KCNG3: variants seen among roughly 807,000 people sequenced by gnomAD.
KCNG3 encodes voltage-gated potassium channel regulatory subunit KCNG3.
In KCNG3, 15 loss-of-function variants were observed where a neutral mutation model predicts 29.0. The ratio of observed to expected loss-of-function variants is 0.52; its 90% CI spans 0.35 to 0.80. The LOEUF is 0.80. Ranked by LOEUF, KCNG3 falls within the 30% of genes least tolerant of loss-of-function variation. KCNG3 has a pLI of 0.01. For missense variants in KCNG3, 512 were observed against 605.7 expected (o/e 0.85, Z 1.62); for synonymous variants, 322 against 248.9 (o/e 1.29, Z -2.76).
intron 1 of KCNG3, among the ~76,000 whole-genome samples, chr2:42,457,627 T>TCACACACACACACA (rs56251665): frequency 0.047 from 5,949 of 125,436 alleles, 263 homozygotes; most frequent in Middle Eastern, 0.07. Context: ...CAGGCAGATC[T>TCACACACACACACA]CACACACACA....
the KCNG3 span, among the ~76,000 whole-genome samples, chr2:42,430,859 C>T: frequency 2.0e-5 from 3 of 151,978 alleles, no homozygotes; most frequent in Admixed American, 6.6e-5. Flanking sequence ...CATGTAATCC[C>T]AGAACTTTGG....
At chr2:42,484,648 G>T (rs750426003) in intron 1 of KCNG3, among the ~76,000 whole-genome samples, 1 of 152,158 alleles carries the variant, frequency 6.6e-6, no homozygotes, top group African/African-American at 2.4e-5. Flanking sequence ...AAGAGATAGG[G>T]CAAGTTAACT....
chr2:42,469,927 C>T (rs1033846809), intron 1 of KCNG3: 1 of 318,496 alleles, frequency 3.1e-6, no homozygotes, highest in South Asian at 5.0e-5. Context: ...AGGAGATTTA[C>T]AAACTGGCCA....
At chr2:42,478,765 T>G (rs1673505537) in intron 1 of KCNG3, among the ~76,000 whole-genome samples, 1 of 152,160 alleles carries the variant, frequency 6.6e-6, no homozygotes, top group East Asian at 1.9e-4. Flanking sequence ...GGTCCCGTCT[T>G]GGTTATGCCT....
At chr2:42,475,323 CT>C (rs11365655) in intron 1 of KCNG3, among the ~76,000 whole-genome samples, 74,832 of 104,686 alleles carry the variant, frequency 0.71, 26,609 homozygotes, top group Middle Eastern at 0.86. Flanking sequence ...GCCTCTGTCT[CT>C]TTTTTTTTTT....
At chr2:42,482,591 T>C (rs1281582975) in intron 1 of KCNG3, among the ~76,000 whole-genome samples, 2 of 152,114 alleles carry the variant, frequency 1.3e-5, no homozygotes, top group Non-Finnish European at 2.9e-5. Context: ...GGCCTGGGCA[T>C]GGTGGCACAC....
At chr2:42,481,303 C>T (rs1249938994) in intron 1 of KCNG3, among the ~76,000 whole-genome samples, 1 of 152,182 alleles carries the variant, frequency 6.6e-6, no homozygotes, top group African/African-American at 2.4e-5. Context: ...CCTGACACCA[C>T]AGCCTGGATC....
intron 1 of KCNG3, among the ~76,000 whole-genome samples, chr2:42,466,286 A>T (rs1673139300): frequency 6.6e-6 from 1 of 152,076 alleles, no homozygotes; most frequent in African/African-American, 2.4e-5. Flanking sequence ...CCTGCCTGTA[A>T]TCCTAGCTAC....
rs76065686 is a variant in KCNG3, at chr2:42,460,634, C to G, written c.666-16055G>C. ...CGATTTAATTTGGCAAAAACAAAAT[C>G]AGGAAAGTGCCAGATACCTGATGAA... On this transcript the variant is annotated intron_variant, in intron 1 of 1. Coordinates refer to ENST00000306078, the MANE Select transcript of KCNG3 (RefSeq NM_133329.6). Among the ~76,000 whole-genome samples the G allele has an allele frequency of 1.5e-3, 225 of 152,236 alleles. 1 individual carries two copies. The highest frequency in any genetic ancestry group is 5.1e-3 in the African/African-American group (211 of 41,558).
chr2:42,450,005 C>T (rs1008243497), intron 1 of KCNG3, among the ~76,000 whole-genome samples: 5 of 152,142 alleles, frequency 3.3e-5, no homozygotes, highest in African/African-American at 1.2e-4. Flanking sequence ...ACAAGCCTCA[C>T]CATCAAGTGG....
intron 1 of KCNG3, among the ~76,000 whole-genome samples, chr2:42,473,147 C>T (rs549961573): frequency 3.5e-4 from 53 of 151,958 alleles, no homozygotes; most frequent in Middle Eastern, 3.4e-3. Flanking sequence ...CCACCTGCCT[C>T]GGCCTCCCAA....
the KCNG3 span, among the ~76,000 whole-genome samples, chr2:42,423,830 A>G: frequency 6.6e-6 from 1 of 151,444 alleles, no homozygotes; most frequent in African/African-American, 2.4e-5. Context: ...GCAGATGATG[A>G]CAGTAACTTA....
chr2:42,459,753 G>T (rs1313787016), intron 1 of KCNG3, among the ~76,000 whole-genome samples: 1 of 152,198 alleles, frequency 6.6e-6, no homozygotes, highest in South Asian at 2.1e-4. Flanking sequence ...AAGGCGGGTG[G>T]ATCATGAGGT....
the KCNG3 span, among the ~76,000 whole-genome samples, chr2:42,411,055 T>C: frequency 1.3e-5 from 2 of 152,204 alleles, no homozygotes; most frequent in Admixed American, 1.3e-4. Context: ...TATCCTTTAT[T>C]CACTGATTTG....
chr2:42,479,442 G>A (rs1673524242), intron 1 of KCNG3, among the ~76,000 whole-genome samples: 2 of 151,568 alleles, frequency 1.3e-5, no homozygotes, highest in Admixed American at 1.3e-4. Flanking sequence ...TAGGGAGTTT[G>A]AGACCAGTTC....
chr2:42,478,347 C>A (rs962319852), intron 1 of KCNG3, among the ~76,000 whole-genome samples: 1 of 152,112 alleles, frequency 6.6e-6, no homozygotes, highest in African/African-American at 2.4e-5. Flanking sequence ...GCAATTCTCC[C>A]ACTTCAGCCT....
chr2:42,432,701 T>C, the KCNG3 span, among the ~76,000 whole-genome samples: 2 of 152,172 alleles, frequency 1.3e-5, no homozygotes, highest in Non-Finnish European at 2.9e-5. Context: ...CAAATTAACT[T>C]GGGTTAATGA....
chr2:42,480,461 T>C (rs1673553412), intron 1 of KCNG3, among the ~76,000 whole-genome samples: 1 of 152,180 alleles, frequency 6.6e-6, no homozygotes, highest in Non-Finnish European at 1.5e-5. Flanking sequence ...GTAAATATTT[T>C]AGGCTTTTCA....
the KCNG3 span, chr2:42,388,363 C>A: frequency 6.6e-6 from 1 of 152,188 alleles, no homozygotes; most frequent in Admixed American, 6.5e-5. Context: ...AAACGTTTCA[C>A]ATTTATTGTT....
Sources: gnomAD v4.1 joint callset for allele counts (sites outside exome capture counted in the v4.1 genomes callset) on GRCh38, gnomAD v4.1.1 for gene constraint, MANE v1.5 for transcripts, NCBI Gene and HGNC (gene_info 2026-07-23, HGNC 2026-07-21) for gene names.